Variants in SLC66A3 observed in about 807,000 individuals in gnomAD.
SLC66A3 encodes solute carrier family 66 member 3.
SLC66A3 carries 23 observed loss-of-function variants against 25.5 expected under a neutral mutation model. The ratio of observed to expected loss-of-function variants is 0.90; its 90% confidence interval spans 0.65 to 1.28. The LOEUF (loss-of-function observed/expected upper bound fraction) is 1.28. Ranked by LOEUF, SLC66A3 falls within the 50% of genes most tolerant of loss-of-function variation. The probability of loss-of-function intolerance (pLI) is 0.00; values close to 1 mark genes in which losing one functional copy is unlikely to be tolerated. For synonymous variants in SLC66A3, 108 were observed against 112.6 expected (o/e 0.96, Z 0.26); for missense variants, 246 against 262.1 (o/e 0.94, Z 0.42).
intron 1 of SLC66A3, among the ~76,000 whole-genome samples, chr2:11,156,784 G>C (rs55691236): frequency 0.51 from 77,228 of 151,854 alleles, 20,001 homozygotes; most frequent in African/African-American, 0.59. Flanking sequence ...GGGTGGGGAG[G>C]GGGGGGTCCC....
chr2:11,164,046 C>T (rs33985535), intron 3 of SLC66A3, among the ~76,000 whole-genome samples, 158 bp from the exon 4 acceptor site: 76,366 of 151,708 alleles, frequency 0.5, 19,431 homozygotes, highest in South Asian at 0.55. Flanking sequence ...CGACCCTTTT[C>T]GTCCCTTCCA....
chr2:11,167,654 T>C (rs533346215), intron 4 of SLC66A3, among the ~76,000 whole-genome samples: 1 of 152,192 alleles, frequency 6.6e-6, no homozygotes, highest in Non-Finnish European at 1.5e-5. Flanking sequence ...CCTCCTTCAC[T>C]GACTCAATGA....
In SLC66A3 at chr2:11,174,954, G is replaced by C; in HGVS notation, c.476-14G>C. ...AGAGGCAAGTTACTTATTGCTGCAAGTTTTCTTTTACAGCAAGAATAATCA... is the reference window on the plus strand; with the variant it reads ...AGAGGCAAGTTACTTATTGCTGCAACTTTTCTTTTACAGCAAGAATAATCA... On this transcript the variant is annotated splice_polypyrimidine_tract_variant and intron_variant, in intron 5 of 6. Coordinates refer to ENST00000295083, the MANE Select transcript of SLC66A3 (RefSeq NM_152391.5). The C allele has an allele frequency of 6.2e-7, 1 of 1,604,884 alleles. No homozygotes were observed. Among genetic ancestry groups the C allele is most frequent in the Non-Finnish European group, 8.5e-7 (1 of 1,176,106 alleles).
At chr2:11,160,801 TAAAAAA>T (rs35227502) in intron 3 of SLC66A3, 107 bp downstream of exon 3, 1,209 of 1,222,788 alleles carry the variant, frequency 9.9e-4, no homozygotes, top group Non-Finnish European at 1.0e-3. Flanking sequence ...TTGGTTAAAC[TAAAAAA>T]AAAAAAAAAA....
rs1247314503 is a variant in SLC66A3, at chr2:11,173,401, T to A, written c.475+1356T>A. Among the ~76,000 whole-genome samples, 5 of 152,258 alleles carry A rather than the reference T, an allele frequency of 3.3e-5. No individual in the cohort carries two copies. In the East Asian group the frequency reaches 9.6e-4, roughly 29 times the overall value. ...TTAACCCTTGTCAGATGTGTGGTTA[T>A]TAACAGCCTTTTAAAAAGTTTGTCT... is the stretch of plus-strand genomic sequence containing the variant. On this transcript the variant is annotated intron_variant, in intron 5 of 6. Coordinates refer to ENST00000295083, the MANE Select transcript of SLC66A3 (RefSeq NM_152391.5).
At chr2:11,174,753 A>G (rs961842749) in intron 5 of SLC66A3, among the ~76,000 whole-genome samples, 3 of 152,200 alleles carry the variant, frequency 2.0e-5, no homozygotes, top group Non-Finnish European at 4.4e-5. Flanking sequence ...CGGCATGGCT[A>G]GTTTTTATGT....
chr2:11,173,767 C>G (rs1422727359), intron 5 of SLC66A3, among the ~76,000 whole-genome samples: 1 of 152,154 alleles, frequency 6.6e-6, no homozygotes, highest in Non-Finnish European at 1.5e-5. Flanking sequence ...TCACGCCACT[C>G]CCTGCTCTTG....
chr2:11,160,583 G>C (rs12472296), intron 2 of SLC66A3, 35 bp downstream of exon 2: 1 of 1,614,068 alleles, frequency 6.2e-7, no homozygotes, highest in Admixed American at 1.7e-5. Context: ...GGACTGCCAC[G>C]GGTCTCCCCT....
At position 11,155,614 on chromosome 2, in the gene SLC66A3, C is replaced by CG; in HGVS notation, c.69dup (p.Gln24AlafsTer64). The CG allele has an allele frequency of 6.6e-7, 1 of 1,526,620 alleles. No homozygotes were observed. The highest frequency in any genetic ancestry group is 8.7e-7 in the Non-Finnish European group (1 of 1,147,714). 94.6% of individuals were successfully genotyped at this position (1,526,620 alleles called of 1,614,324 possible). On this transcript the variant is annotated frameshift_variant, in exon 1 of 7. Coordinates refer to ENST00000295083, the MANE Select transcript of SLC66A3 (RefSeq NM_152391.5). LOFTEE classifies it high-confidence loss of function. ...GGCGTGTGCGCCGCGCTGAAGCTGC[C>CG]GCAGATCTCCGCTGTGCTAGCGGCG...
Position 11,155,561 on chromosome 2 carries a change from G to C in SLC66A3, c.15G>C (p.Leu5=), listed in dbSNP as rs1341811340. The change falls in exon 1 of 7, where the codon CTG becomes CTC. Residue 5 remains leucine (L), a synonymous_variant. Transcript: ENST00000295083. MEAA[L]LGLCNWSTLG... is the part of the protein sequence containing the mutation. ...CCCGTGGCGCTATGGAGGCGGCGCT[G>C]CTGGGGCTGTGTAACTGGAGCACGC... The C allele has an allele frequency of 1.3e-6, 2 of 1,507,596 alleles. No homozygotes were observed. The highest frequency in any genetic ancestry group is 1.8e-6 in the Non-Finnish European group (2 of 1,137,262). The allele number at this position is 1,507,596 out of a possible 1,614,324, so 93.4% of individuals were successfully genotyped here. A position where few individuals can be genotyped will look rare whatever the true frequency, so the allele number is the denominator to read the frequency against.
At chr2:11,172,912 G>C (rs1236824873) in intron 5 of SLC66A3, 2 of 186,122 alleles carry the variant, frequency 1.1e-5, no homozygotes, top group Non-Finnish European at 2.3e-5. Context: ...ACCCAGGCTG[G>C]AGTGCAGTGG....
At chr2:11,167,270 C>T (rs553630072) in intron 4 of SLC66A3, among the ~76,000 whole-genome samples, 1 of 152,176 alleles carries the variant, frequency 6.6e-6, no homozygotes, top group Non-Finnish European at 1.5e-5. Context: ...AATGGCGAAA[C>T]CCCGTCTACT....
chr2:11,170,089 G>A (rs1022367242), intron 4 of SLC66A3, among the ~76,000 whole-genome samples: 3 of 152,048 alleles, frequency 2.0e-5, no homozygotes, highest in South Asian at 4.2e-4. Context: ...TGCCCGCCTC[G>A]GCCTCCCAAA....
chr2:11,169,283 A>G (rs1356144576), intron 4 of SLC66A3, among the ~76,000 whole-genome samples: 5 of 152,116 alleles, frequency 3.3e-5, no homozygotes, highest in Non-Finnish European at 5.9e-5. Context: ...CTCAGCAAGG[A>G]TTTGTTGAGT....
intron 4 of SLC66A3, among the ~76,000 whole-genome samples, chr2:11,166,764 G>A (rs1003985682): frequency 1.3e-5 from 2 of 152,076 alleles, no homozygotes; most frequent in East Asian, 1.9e-4. Context: ...GCATGGTGGC[G>A]GGCACCTGTA....
rs1158242568 is a variant in SLC66A3, at chr2:11,155,501, G to T, written c.-46G>T. On this transcript the variant is annotated 5_prime_UTR_variant, in exon 1 of 7. Transcript: ENST00000295083. The stretch of plus-strand genomic sequence containing the variant: ...CAGAGCTGCGCCGCCGAGGCTGAGC[G>T]GTCCCTTCTCGCTGCGGCCGCCCAG... 6.2e-6 allele frequency: 9 copies of T among 1,455,476 alleles called. No individual in the cohort carries two copies. Among genetic ancestry groups the T allele is most frequent in the South Asian group, 1.3e-5 (1 of 74,930 alleles). The allele number at this position is 1,455,476 out of a possible 1,614,324, so 90.2% of individuals were successfully genotyped here.
chr2:11,175,946 G>C (rs1662724113), intron 6 of SLC66A3, among the ~76,000 whole-genome samples: 1 of 152,144 alleles, frequency 6.6e-6, no homozygotes, highest in Non-Finnish European at 1.5e-5. Flanking sequence ...TTATACCTTT[G>C]CTCGAATACT....
At chr2:11,162,105 C>T (rs1199669766) in intron 3 of SLC66A3, among the ~76,000 whole-genome samples, 2 of 152,170 alleles carry the variant, frequency 1.3e-5, no homozygotes, top group Non-Finnish European at 2.9e-5. Context: ...TTTAGGGTTA[C>T]TGTAAGAGCT....
At chr2:11,165,462 G>A (rs1307011129) in intron 4 of SLC66A3, among the ~76,000 whole-genome samples, 1 of 150,992 alleles carries the variant, frequency 6.6e-6, no homozygotes, top group Non-Finnish European at 1.5e-5. Context: ...CAGACGGGGC[G>A]ACGGGGCAGA....
Sources: gnomAD v4.1 joint callset for allele counts (sites outside exome capture counted in the v4.1 genomes callset) on GRCh38, gnomAD v4.1.1 for gene constraint, MANE v1.5 for transcripts, NCBI Gene and HGNC (gene_info 2026-07-23, HGNC 2026-07-21) for gene names.